The following ITPA variants were observed in gnomAD, a reference collection of about 807,000 sequenced individuals.
The protein encoded by ITPA is inosine triphosphate pyrophosphatase.
In ITPA, 29 loss-of-function variants were observed where a neutral mutation model predicts 29.6. That is an observed-to-expected ratio of 0.98 (90% CI 0.73 to 1.34). The LOEUF (loss-of-function observed/expected upper bound fraction) is 1.34. Among genes scored for constraint, ITPA ranks in the 40% most tolerant of loss-of-function variants. ITPA has a pLI of 0.00. For missense variants in ITPA, 241 were observed against 251.5 expected, an observed-to-expected ratio of 0.96 and a Z score of 0.28; for synonymous variants, 103 against 99.3, an observed-to-expected ratio of 1.04 and a Z score of -0.22.
chr20:3,224,663 G>A (rs531927070), downstream of ITPA, among the ~76,000 whole-genome samples: 89 of 152,344 alleles, frequency 5.8e-4, no homozygotes, highest in Non-Finnish European at 9.8e-4. Flanking sequence ...CCTCAGACAT[G>A]GGGTGCTGGG....
At chr20:3,214,182 C>T (rs1270322075) in intron 4 of ITPA, 124 bp downstream of exon 4, 1 of 857,466 alleles carries the variant, frequency 1.2e-6, no homozygotes, top group East Asian at 2.6e-5. Flanking sequence ...TTCACGTTGT[C>T]CCGAGGAAAG....
intron 1 of ITPA, among the ~76,000 whole-genome samples, chr20:3,211,453 A>G (rs919641167): frequency 5.9e-5 from 9 of 151,830 alleles, no homozygotes; most frequent in African/African-American, 2.2e-4. Context: ...AATTACAGGC[A>G]TGAACCACCT....
At chr20:3,217,905 G>GTTTT (rs372604621) in intron 5 of ITPA, among the ~76,000 whole-genome samples, 3 of 146,220 alleles carry the variant, frequency 2.1e-5, no homozygotes, top group African/African-American at 7.5e-5. Flanking sequence ...AGTTTTTGTG[G>GTTTT]GTTTTTTTTT....
chr20:3,222,042 C>G, intron 7 of ITPA, 125 bp downstream of exon 7: 1 of 916,440 alleles, frequency 1.1e-6, no homozygotes, highest in Non-Finnish European at 1.7e-6. Context: ...GGGTGCTGTT[C>G]CAGCCACAGG....
chr20:3,208,491 T>G (rs747419545), upstream of ITPA, among the ~76,000 whole-genome samples: 5 of 152,170 alleles, frequency 3.3e-5, no homozygotes, highest in Non-Finnish European at 7.3e-5. Flanking sequence ...TTCTCCTGAA[T>G]CCTGAATTCT....
downstream of ITPA, among the ~76,000 whole-genome samples, chr20:3,226,432 A>G (rs2067555538): frequency 6.6e-6 from 1 of 152,064 alleles, no homozygotes; most frequent in Non-Finnish European, 1.5e-5. The surrounding 1 kb of genome is among the most constrained non-coding windows in gnomAD (Gnocchi z 4.4). Context: ...GCATGCTCAT[A>G]CCCACCTGGA....
At chr20:3,207,995 C>CAAAAAAAA (rs71195826), upstream of ITPA, among the ~76,000 whole-genome samples, 1 of 116,468 alleles carries the variant, frequency 8.6e-6, no homozygotes, top group Non-Finnish European at 1.7e-5. Context: ...GACTCCGTCT[C>CAAAAAAAA]AAAAAAAAAA....
upstream of ITPA, among the ~76,000 whole-genome samples, chr20:3,204,853 T>C (rs1369120853): frequency 6.7e-6 from 1 of 150,118 alleles, no homozygotes; most frequent in African/African-American, 2.5e-5. Flanking sequence ...AGAAAACATC[T>C]ATGTATGTTT....
chr20:3,223,488 A>C lies in ITPA; in HGVS notation c.*26A>C. On this transcript the variant is annotated 3_prime_UTR_variant, in exon 8 of 8. Transcript: ENST00000380113. ...CTTCTGCAGCTGGAGGAGGCCCCTC[A>C]GGCCGGGGATCTGGGGAGGGCTAGC... 1 of 1,578,268 alleles carries C rather than the reference A, an allele frequency of 6.3e-7. No individual in the cohort carries two copies. Among genetic ancestry groups the C allele is most frequent in the Non-Finnish European group, 8.7e-7 (1 of 1,153,472 alleles).
At position 3,223,452 on chromosome 20, in the gene ITPA, T is replaced by C. The variant is rs766916111; in HGVS notation, c.575T>C (p.Leu192Ser). 1 of 1,612,574 alleles carries C rather than the reference T, an allele frequency of 6.2e-7. No homozygotes were observed. The highest frequency in any genetic ancestry group is 2.2e-5 in the East Asian group (1 of 44,886). The change falls in exon 8 of 8, where the codon TTG (leucine) becomes TCG (serine). Residue 192 changes from leucine to serine, a missense_variant. Transcript: ENST00000380113. ...LLELQEYFGS[L>S]AA ...GAGCTGCAGGAGTACTTTGGCAGTT[T>C]GGCAGCTTGACTTCTGCAGCTGGAG...
upstream of ITPA, among the ~76,000 whole-genome samples, chr20:3,208,208 A>T (rs1568504730): frequency 1.3e-5 from 2 of 151,970 alleles, no homozygotes; most frequent in African/African-American, 4.8e-5. Context: ...CATCCATGTA[A>T]GGTGGGCTGT....
At chr20:3,218,995 G>T in intron 6 of ITPA, 1 of 268,340 alleles carries the variant, frequency 3.7e-6, no homozygotes, top group South Asian at 5.0e-5. Context: ...CAAACTGAAG[G>T]TGACAATTCC....
At chr20:3,222,134 G>GAGCCAGAT (rs2067480850) in intron 7 of ITPA, among the ~76,000 whole-genome samples, 1 of 152,180 alleles carries the variant, frequency 6.6e-6, no homozygotes, top group African/African-American at 2.4e-5. Flanking sequence ...TGAGAGTCCT[G>GAGCCAGAT]GGCTCTAAGG....
chr20:3,223,223 G>C (rs2067511542), intron 7 of ITPA, 143 bp from the exon 8 acceptor site: 1 of 689,674 alleles, frequency 1.4e-6, no homozygotes, highest in Non-Finnish European at 2.6e-6. Flanking sequence ...AAATTCACTG[G>C]CTGCCAGGAG....
In ITPA at chr20:3,218,643, A is replaced by C. The variant is rs773541411; in HGVS notation, c.411+11A>C. 24 of 1,596,112 alleles carry C rather than the reference A, an allele frequency of 1.5e-5. No individual in the cohort carries two copies. The South Asian group carries it at 2.5e-4, about 17-fold the overall frequency. ...AGGGGCCGGACCTCGGTGCGTACCC[A>C]CCTTGATGCAGTTCCCGCCGCGCGC... On this transcript the variant is annotated intron_variant, in intron 6 of 7. Coordinates refer to ENST00000380113, the MANE Select transcript of ITPA (RefSeq NM_033453.4).
At chr20:3,204,355 C>T (rs905462375), upstream of ITPA, among the ~76,000 whole-genome samples, 1 of 152,138 alleles carries the variant, frequency 6.6e-6, no homozygotes, top group East Asian at 1.9e-4. Flanking sequence ...GGTAGCGGCG[C>T]GGCCACCGAT....
intron 5 of ITPA, among the ~76,000 whole-genome samples, chr20:3,216,519 T>C (rs1158647084): frequency 1.3e-5 from 2 of 148,914 alleles, no homozygotes; most frequent in East Asian, 4.0e-4. Flanking sequence ...AATGGCACGA[T>C]CTCGGCTCAC....
chr20:3,205,118 G>A (rs926372182), upstream of ITPA, among the ~76,000 whole-genome samples: 2 of 152,086 alleles, frequency 1.3e-5, no homozygotes, highest in Non-Finnish European at 2.9e-5. Flanking sequence ...CCAAAGTGCT[G>A]GGATTACAGG....
At chr20:3,212,794 G>T (rs888421779) in intron 1 of ITPA, among the ~76,000 whole-genome samples, 18 of 152,122 alleles carry the variant, frequency 1.2e-4, no homozygotes, top group African/African-American at 4.3e-4. Context: ...TCAATTAAGG[G>T]TTACTAAGAA....
Sources: allele counts gnomAD v4.1 joint callset (sites outside exome capture counted in the v4.1 genomes callset), GRCh38; gene constraint gnomAD v4.1.1; non-coding constraint Gnocchi (gnomAD v3.1); transcripts MANE v1.5; gene names NCBI Gene and HGNC (gene_info 2026-07-23, HGNC 2026-07-21).